Variants in NKAIN2 observed in about 807,000 individuals in gnomAD.
NKAIN2 encodes the protein sodium/potassium-transporting ATPase subunit beta-1-interacting protein 2.
Under a neutral mutation model 32.6 loss-of-function variants are expected in NKAIN2, and 14 were observed. That is an observed-to-expected ratio of 0.43 (90% confidence interval 0.28 to 0.67). The LOEUF (loss-of-function observed/expected upper bound fraction) is 0.67. Ranked by LOEUF, NKAIN2 falls within the 30% of genes least tolerant of loss-of-function variation. The probability of loss-of-function intolerance (pLI) is 0.17; values close to 1 mark genes in which losing one functional copy is unlikely to be tolerated. For missense variants in NKAIN2, 198 were observed against 258.3 expected (o/e 0.77, Z 1.60); for synonymous variants, 80 against 87.2 (o/e 0.92, Z 0.46).
At chr6:124,095,891 A>G (rs559020325) in intron 1 of NKAIN2, among the ~76,000 whole-genome samples, 1 of 152,312 alleles carries the variant, frequency 6.6e-6, no homozygotes, top group South Asian at 2.1e-4. Flanking sequence ...CAAAGTTTCA[A>G]TCTTTGTATC....
At chr6:124,191,758 C>G (rs934425459) in intron 1 of NKAIN2, among the ~76,000 whole-genome samples, 3 of 152,126 alleles carry the variant, frequency 2.0e-5, no homozygotes, top group Non-Finnish European at 4.4e-5. Flanking sequence ...GAAGTGTGTC[C>G]TATCTACTCA....
At chr6:124,097,090 A>G (rs966305548) in intron 1 of NKAIN2, among the ~76,000 whole-genome samples, 2 of 152,122 alleles carry the variant, frequency 1.3e-5, no homozygotes, top group African/African-American at 4.8e-5. Flanking sequence ...ATCAAGGAAA[A>G]CACAGGAATT....
chr6:124,020,755 G>T (rs535580215), intron 1 of NKAIN2, among the ~76,000 whole-genome samples: 1 of 152,072 alleles, frequency 6.6e-6, no homozygotes, highest in East Asian at 1.9e-4. Flanking sequence ...ACCGAATTTA[G>T]GTTTTTGTGA....
At chr6:124,815,214 C>CTATATATATATA (rs1200227151) in intron 5 of NKAIN2, among the ~76,000 whole-genome samples, 5 of 68,792 alleles carry the variant, frequency 7.3e-5, no homozygotes, top group Non-Finnish European at 1.3e-4. Flanking sequence ...CAGTCTTAAA[C>CTATATATATATA]TATATATATA....
intron 1 of NKAIN2, among the ~76,000 whole-genome samples, chr6:124,016,702 C>A (rs991647069): frequency 2.0e-5 from 3 of 152,108 alleles, no homozygotes; most frequent in Non-Finnish European, 4.4e-5. Flanking sequence ...TTGTTCCAAG[C>A]ATAGTTTTAA....
At chr6:124,371,629 G>A (rs188280286) in intron 3 of NKAIN2, among the ~76,000 whole-genome samples, 8 of 146,970 alleles carry the variant, frequency 5.4e-5, no homozygotes, top group Admixed American at 1.4e-4. Context: ...GGGAGGCAAA[G>A]GTTGCAGTGA....
intron 3 of NKAIN2, among the ~76,000 whole-genome samples, chr6:124,506,129 C>T (rs1373930599): frequency 6.6e-6 from 1 of 151,322 alleles, no homozygotes; most frequent in South Asian, 2.1e-4. Context: ...TGCAGTGCGC[C>T]GAGATCACGC....
intron 1 of NKAIN2, among the ~76,000 whole-genome samples, chr6:123,888,026 T>C (rs540822126): frequency 6.6e-6 from 1 of 152,226 alleles, no homozygotes; most frequent in African/African-American, 2.4e-5. Context: ...GACCTAATAT[T>C]TGTAAAGTGT....
intron 3 of NKAIN2, among the ~76,000 whole-genome samples, chr6:124,645,083 T>G (rs1328577455): frequency 6.6e-6 from 1 of 152,152 alleles, no homozygotes; most frequent in Non-Finnish European, 1.5e-5. Context: ...ACCAACAAAT[T>G]GATGTTAAAG....
At chr6:123,861,870 G>C (rs6908452) in intron 1 of NKAIN2, among the ~76,000 whole-genome samples, 62,055 of 151,692 alleles carry the variant, frequency 0.41, 14,797 homozygotes, top group African/African-American at 0.65. Flanking sequence ...GTATCAAAAT[G>C]TTATTTGTAC....
At chr6:124,679,027 G>A (rs891067943) in intron 4 of NKAIN2, among the ~76,000 whole-genome samples, 2 of 151,900 alleles carry the variant, frequency 1.3e-5, no homozygotes, top group African/African-American at 2.4e-5. Flanking sequence ...AAGGTTCTCC[G>A]GAGTGATCAT....
At chr6:124,815,234 ATATATATG>A (rs1026770904) in intron 5 of NKAIN2, among the ~76,000 whole-genome samples, 3 of 144,886 alleles carry the variant, frequency 2.1e-5, no homozygotes, top group East Asian at 2.0e-4. Flanking sequence ...ACATATATAT[ATATATATG>A]TATATATGTA....
intron 3 of NKAIN2, among the ~76,000 whole-genome samples, chr6:124,456,082 C>T (rs928117519): frequency 1.3e-5 from 2 of 151,794 alleles, no homozygotes; most frequent in African/African-American, 2.4e-5. Context: ...CTTGCACACA[C>T]ATCACACCCA....
At chr6:124,305,997 A>G (rs1465074604) in intron 2 of NKAIN2, among the ~76,000 whole-genome samples, 2 of 152,018 alleles carry the variant, frequency 1.3e-5, no homozygotes, top group Non-Finnish European at 2.9e-5. Flanking sequence ...TCTTCAAGTT[A>G]CTAGTAGATG....
At chr6:124,356,592 T>C (rs1212351534) in intron 3 of NKAIN2, among the ~76,000 whole-genome samples, 1 of 152,146 alleles carries the variant, frequency 6.6e-6, no homozygotes, top group Non-Finnish European at 1.5e-5. Context: ...CAGGGCATCG[T>C]TCCCCACACT....
chr6:124,011,813 C>T (rs999621093), intron 1 of NKAIN2, among the ~76,000 whole-genome samples: 2 of 152,156 alleles, frequency 1.3e-5, no homozygotes, highest in South Asian at 2.1e-4. Flanking sequence ...ATTCCTGCCA[C>T]GAGACCCTTG....
rs564207753 is a variant in NKAIN2 at position 124,343,751 on chromosome 6, T to A, written c.193-11516T>A. Among the ~76,000 whole-genome samples the A allele has an allele frequency of 5.2e-3, 779 of 150,342 alleles. 3 individuals carry two copies. The highest frequency in any genetic ancestry group is 0.024 in the Middle Eastern group (7 of 294). On this transcript the variant is annotated intron_variant, in intron 2 of 6. Transcript: ENST00000368417. ...TATTAGCCCTTTGTCAGAAGAGTAG[T>A]TTGCAAAAATTTTCTCCCATTTTGT...
chr6:124,324,003 G>C (rs547949309), intron 2 of NKAIN2, among the ~76,000 whole-genome samples: 4 of 151,956 alleles, frequency 2.6e-5, no homozygotes, highest in African/African-American at 9.7e-5. Context: ...GTGTTAGCCA[G>C]GATGGTCTCG....
At chr6:124,596,320 A>C (rs1782084418) in intron 3 of NKAIN2, among the ~76,000 whole-genome samples, 1 of 152,098 alleles carries the variant, frequency 6.6e-6, no homozygotes, top group Non-Finnish European at 1.5e-5. Context: ...CAGAGTGTGG[A>C]TAAGATCCAG....
Sources: allele counts gnomAD v4.1 joint callset (sites outside exome capture counted in the v4.1 genomes callset), GRCh38; gene constraint gnomAD v4.1.1; transcripts MANE v1.5; gene names NCBI Gene and HGNC (gene_info 2026-07-23, HGNC 2026-07-21).